The following FRAS1 variants were observed in gnomAD, a reference collection of about 807,000 sequenced individuals.
FRAS1 encodes extracellular matrix organizing protein FRAS1.
FRAS1 carries 290 observed loss-of-function variants against 435.2 expected under a neutral mutation model. The observed-to-expected ratio is 0.67, with a 90% CI of 0.61 to 0.73. FRAS1 has a LOEUF of 0.73. Ranked by LOEUF, FRAS1 falls within the 30% of genes least tolerant of loss-of-function variation. The pLI is 0.00. For missense variants in FRAS1, 4,860 were observed against 5,001.5 expected (o/e 0.97, Z 0.85); for synonymous variants, 1,800 against 1,851.0 (o/e 0.97, Z 0.71).
At chr4:78,327,199 G>A (rs143454601) in intron 18 of FRAS1, among the ~76,000 whole-genome samples, 22 of 152,206 alleles carry the variant, frequency 1.4e-4, no homozygotes, top group South Asian at 8.3e-4. Context: ...TCCAGCCTGC[G>A]TGCCAGAGCA....
At chr4:78,450,612 A>G (rs917257509) in intron 45 of FRAS1, among the ~76,000 whole-genome samples, 10 of 152,018 alleles carry the variant, frequency 6.6e-5, no homozygotes, top group African/African-American at 2.4e-4. Context: ...ACTTGCTGTG[A>G]TGCTAAAAAG....
chr4:78,088,361 G>A (rs192233597), intron 2 of FRAS1, among the ~76,000 whole-genome samples: 245 of 152,290 alleles, frequency 1.6e-3, no homozygotes, highest in Non-Finnish European at 5.3e-4. Flanking sequence ...TCAGGACATA[G>A]GCATGGGCAA....
At chr4:78,334,719 G>C (rs1395917297) in intron 19 of FRAS1, among the ~76,000 whole-genome samples, 1 of 151,836 alleles carries the variant, frequency 6.6e-6, no homozygotes, top group Admixed American at 6.6e-5. Context: ...AGATACGTGT[G>C]TGTATATTTA....
At chr4:78,380,557 G>C (rs1332955522) in intron 27 of FRAS1, among the ~76,000 whole-genome samples, 1 of 152,168 alleles carries the variant, frequency 6.6e-6, no homozygotes. Flanking sequence ...TATGCTTCAG[G>C]AATGCAGTTG....
At chr4:78,075,958 A>T (rs1740617395) in intron 2 of FRAS1, among the ~76,000 whole-genome samples, 1 of 152,190 alleles carries the variant, frequency 6.6e-6, no homozygotes, top group Non-Finnish European at 1.5e-5. Context: ...GCCTGGAATA[A>T]GGCATTTGAA....
rs761522693 is a variant in FRAS1 at position 78,466,299 on chromosome 4, C to A, written c.7121C>A (p.Thr2374Asn). 1.2e-6 allele frequency: 2 copies of A among 1,613,818 alleles called. No homozygotes were observed. The highest frequency in any genetic ancestry group is 2.2e-5 in the South Asian group (2 of 91,074). ...GGGCAGCATTTCCACCTCACCTCCA[C>A]CTTCACCATGAAAGATATCTACCAG... is the stretch of plus-strand genomic sequence containing the variant. ...SNGQHFHLTSTFTMKDIYQNR... is the reference protein window; with the variant it reads ...SNGQHFHLTSNFTMKDIYQNR... The change falls in exon 50 of 74, where the codon ACC becomes AAC. Residue 2374 changes from threonine to asparagine, a missense_variant. Transcript: ENST00000512123.
At chr4:78,498,281 A>AGGC (rs543686596) in intron 60 of FRAS1, among the ~76,000 whole-genome samples, 1,739 of 152,278 alleles carry the variant, frequency 0.011, 30 homozygotes, top group African/African-American at 0.04. Flanking sequence ...AGGCCAAGGC[A>AGGC]GGATCACCTA....
intron 2 of FRAS1, among the ~76,000 whole-genome samples, chr4:78,117,679 T>C (rs1343562672): frequency 1.3e-5 from 2 of 152,234 alleles, no homozygotes; most frequent in African/African-American, 4.8e-5. Context: ...TTCAGCTCCA[T>C]CAGGTCTTTT....
At chr4:78,170,503 T>C (rs1173474689) in intron 2 of FRAS1, among the ~76,000 whole-genome samples, 1 of 152,242 alleles carries the variant, frequency 6.6e-6, no homozygotes, top group East Asian at 1.9e-4. Context: ...CTCCAATAGG[T>C]TGTAAGCCCC....
chr4:78,298,763 A>G (rs982172170), intron 14 of FRAS1, among the ~76,000 whole-genome samples: 2 of 152,228 alleles, frequency 1.3e-5, no homozygotes, highest in Non-Finnish European at 2.9e-5. Context: ...CTGTGCATTC[A>G]TTTAGCCTAC....
chr4:78,489,704 C>T (rs1720283414), intron 59 of FRAS1, among the ~76,000 whole-genome samples: 1 of 152,152 alleles, frequency 6.6e-6, no homozygotes, highest in Admixed American at 6.6e-5. Context: ...ATATTTGGAA[C>T]TTAGCAGAAG....
chr4:78,133,487 A>T (rs145823733), intron 2 of FRAS1, among the ~76,000 whole-genome samples: 244 of 152,190 alleles, frequency 1.6e-3, no homozygotes, highest in African/African-American at 5.5e-3. Flanking sequence ...GTTTATAATA[A>T]TTTAATTGTG....
Position 78,451,770 on chromosome 4 carries a change from A to C in FRAS1, c.6464-2A>C. ...AATCTTGATTTTTTTTCCTTTTTAT[A>C]GGCCACGTAGAATATAGTCATGGAA... On this transcript the variant is annotated splice_acceptor_variant, in intron 45 of 73. Transcript: ENST00000512123. LOFTEE classifies it high-confidence loss of function. The C allele has an allele frequency of 6.3e-7, 1 of 1,583,900 alleles. No individual in the cohort carries two copies. The highest frequency in any genetic ancestry group is 1.9e-5 in the Admixed American group (1 of 52,216).
chr4:78,317,191 G>A lies in FRAS1; in HGVS notation c.1820-177G>A, dbSNP rs74725957. ...ATATGTAGAGCATGGCTAAATGGTG[G>A]GTAAACGGCCATGTGGGCAGTTCTG... On this transcript the variant is annotated intron_variant, in intron 16 of 73. Coordinates refer to ENST00000512123, the MANE Select transcript of FRAS1 (RefSeq NM_025074.7). Among the ~76,000 whole-genome samples the A allele has an allele frequency of 8.5e-5, 13 of 152,292 alleles. No individual in the cohort carries two copies. In the East Asian group the frequency reaches 2.3e-3, roughly 27 times the overall value.
intron 2 of FRAS1, among the ~76,000 whole-genome samples, chr4:78,208,108 C>A (rs1455472970): frequency 1.3e-5 from 2 of 152,158 alleles, no homozygotes; most frequent in Non-Finnish European, 1.5e-5. Flanking sequence ...ACAGACGGTT[C>A]ATATCACAGG....
chr4:78,508,653 A>C, intron 62 of FRAS1, 78 bp from the exon 63 acceptor site: 1 of 1,454,046 alleles, frequency 6.9e-7, no homozygotes, highest in East Asian at 2.3e-5. Context: ...GATCTTGTGG[A>C]TCTCTAAAGA....
At chr4:78,506,756 A>T (rs1720858475) in intron 61 of FRAS1, among the ~76,000 whole-genome samples, 1 of 151,872 alleles carries the variant, frequency 6.6e-6, no homozygotes, top group Non-Finnish European at 1.5e-5. Flanking sequence ...CATGGGCTGC[A>T]CCAATGTCCA....
rs199918192 is a variant in FRAS1, at chr4:78,363,605, G to T, written c.2515G>T (p.Gly839Trp). The T allele has an allele frequency of 1.2e-6, 2 of 1,607,740 alleles. No homozygotes were observed. The highest frequency in any genetic ancestry group is 1.7e-6 in the Non-Finnish European group (2 of 1,177,216). The change falls in exon 21 of 74, where the codon GGG (glycine) becomes TGG (tryptophan). Residue 839 changes from glycine (G) to tryptophan (W), a missense_variant. Coordinates refer to ENST00000512123, the MANE Select transcript of FRAS1 (RefSeq NM_025074.7). ...RCQNAHYLLL[G>W]DHCVPDCPSG... Reference sequence around the variant, plus strand: ...CCAGAATGCCCACTACCTGCTGCTCGGGGACCACTGTGTTCCTGACTGCCC... The same window carrying T: ...CCAGAATGCCCACTACCTGCTGCTCTGGGACCACTGTGTTCCTGACTGCCC...
At chr4:78,187,669 T>TCTCA (rs1722330513) in intron 2 of FRAS1, among the ~76,000 whole-genome samples, 1 of 152,090 alleles carries the variant, frequency 6.6e-6, no homozygotes, top group African/African-American at 2.4e-5. Context: ...AGTGGCAAGA[T>TCTCA]CTCAGCTCAC....
Sources: gnomAD v4.1 joint callset for allele counts (sites outside exome capture counted in the v4.1 genomes callset) on GRCh38, gnomAD v4.1.1 for gene constraint, MANE v1.5 for transcripts, NCBI Gene and HGNC (gene_info 2026-07-23, HGNC 2026-07-21) for gene names.